PIK3AP1: variants seen among roughly 807,000 people sequenced by gnomAD.
PIK3AP1 encodes phosphoinositide-3-kinase adaptor protein 1, also known as phosphoinositide 3-kinase adapter protein 1.
In PIK3AP1, 21 loss-of-function variants were observed where a neutral mutation model predicts 88.1. That is an observed-to-expected ratio of 0.24 (90% CI 0.17 to 0.34). The LOEUF is 0.34. Among genes scored for constraint, PIK3AP1 ranks in the 10% least tolerant of loss-of-function variants. The pLI, the probability that PIK3AP1 is intolerant of heterozygous loss-of-function variation, is 1.00. For synonymous variants in PIK3AP1, 398 were observed against 400.0 expected (o/e 1.00, Z 0.06); for missense variants, 828 against 1,035.7 (o/e 0.80, Z 2.75).
In PIK3AP1 at chr10:96,618,119, C is replaced by T. The variant is rs150901858; in HGVS notation, c.1942-1408G>A. Among the ~76,000 whole-genome samples the T allele has an allele frequency of 3.0e-3, 463 of 152,284 alleles. 1 individual carries two copies. Among genetic ancestry groups the T allele is most frequent in the African/African-American group, 0.01 (420 of 41,548 alleles). ...TCAGGGAACCAAACAATGTGAGCCCCCATGAGCTGGGATTCTGCCGTATTA... is the reference window on the plus strand; with the variant it reads ...TCAGGGAACCAAACAATGTGAGCCCTCATGAGCTGGGATTCTGCCGTATTA... On this transcript the variant is annotated intron_variant, in intron 12 of 16. Coordinates refer to ENST00000339364, the MANE Select transcript of PIK3AP1 (RefSeq NM_152309.3).
intron 2 of PIK3AP1, among the ~76,000 whole-genome samples, chr10:96,697,687 C>T (rs983617485): frequency 9.2e-5 from 14 of 152,046 alleles, no homozygotes; most frequent in African/African-American, 7.2e-5. Flanking sequence ...TATGATGGTG[C>T]CACTGCACTC....
chr10:96,617,126 C>T (rs1335337953), intron 12 of PIK3AP1, among the ~76,000 whole-genome samples: 1 of 152,194 alleles, frequency 6.6e-6, no homozygotes, highest in Non-Finnish European at 1.5e-5. Context: ...CTGAAGCCTC[C>T]CCAGATATGC....
At chr10:96,658,467 C>G (rs889063622) in intron 2 of PIK3AP1, among the ~76,000 whole-genome samples, 12 of 152,224 alleles carry the variant, frequency 7.9e-5, no homozygotes, top group Admixed American at 2.6e-4. Flanking sequence ...CCATAAAGGC[C>G]GAGTTGGGGG....
At position 96,626,713 on chromosome 10, in the gene PIK3AP1, A is replaced by T; in HGVS notation, c.1664T>A (p.Phe555Tyr). 1 of 1,613,908 alleles carries T rather than the reference A, an allele frequency of 6.2e-7. No individual in the cohort carries two copies. Among genetic ancestry groups the T allele is most frequent in the Non-Finnish European group, 8.5e-7 (1 of 1,179,762 alleles). The part of the protein sequence containing the change: ...HQLPDNEPYI[F>Y]KVFAEKSQER... ...TCATTCCCTGCCATACTTGCCTTTA[A>T]AAATGTATGGTTCGTTGTCAGGCAG... The change falls in exon 10 of 17, where the codon TTT (phenylalanine) becomes TAT (tyrosine). Residue 555 changes from phenylalanine (F) to tyrosine (Y), a missense_variant. Coordinates refer to ENST00000339364, the MANE Select transcript of PIK3AP1 (RefSeq NM_152309.3).
chr10:96,702,168 G>T (rs535005192), intron 2 of PIK3AP1, among the ~76,000 whole-genome samples: 1 of 152,272 alleles, frequency 6.6e-6, no homozygotes, highest in African/African-American at 2.4e-5. Flanking sequence ...GGGGACTTGG[G>T]AAGATGCTGG....
chr10:96,651,687 G>GA (rs1843540722), intron 4 of PIK3AP1, 36 bp from the exon 5 acceptor site: 14 of 1,606,890 alleles, frequency 8.7e-6, no homozygotes, highest in Non-Finnish European at 1.2e-5. Flanking sequence ...AAATTCCCAG[G>GA]AAAAACAAGC....
intron 1 of PIK3AP1, among the ~76,000 whole-genome samples, chr10:96,715,621 TG>T (rs1417472125): frequency 5.9e-5 from 9 of 152,320 alleles, no homozygotes; most frequent in African/African-American, 1.7e-4. Context: ...CTGGGCGCGG[TG>T]GCTCATGCCT....
At position 96,628,426 on chromosome 10, in the gene PIK3AP1, C is replaced by G; in HGVS notation, c.1443G>C (p.Lys481Asn). 6.2e-7 allele frequency: 1 copy of G among 1,613,204 alleles called. No individual in the cohort carries two copies. Among genetic ancestry groups the G allele is most frequent in the Non-Finnish European group, 8.5e-7 (1 of 1,179,204 alleles). Residue 481 changes from lysine to asparagine, a missense_variant, in exon 9 of 17, where the codon AAG (lysine) becomes AAC (asparagine). Lys to Asn is a moderately conservative substitution (Grantham distance 94, BLOSUM62 0). Around this residue, in one of 3 missense-constraint regions of PIK3AP1, gnomAD observed 610 missense variants for 760.1 expected, o/e 0.80. Coordinates refer to ENST00000339364, the MANE Select transcript of PIK3AP1 (RefSeq NM_152309.3). ...CTAAAAACTTGCGGATCATAGAGTCCTTAGTGGCCCGAGAGAAACCATCTC... is the reference window on the plus strand; with the variant it reads ...CTAAAAACTTGCGGATCATAGAGTCGTTAGTGGCCCGAGAGAAACCATCTC... ...IPGDGFSRAT[K>N]DSMIRKFLEG...
At chr10:96,671,690 T>A (rs1428005562) in intron 2 of PIK3AP1, among the ~76,000 whole-genome samples, 1 of 152,094 alleles carries the variant, frequency 6.6e-6, no homozygotes, top group Non-Finnish European at 1.5e-5. Flanking sequence ...ATCATCATCC[T>A]CATGATGCCA....
chr10:96,624,729 G>A (rs181533711), intron 10 of PIK3AP1, among the ~76,000 whole-genome samples: 1 of 151,920 alleles, frequency 6.6e-6, no homozygotes, highest in Non-Finnish European at 1.5e-5. Flanking sequence ...GAAAATGCAA[G>A]AGCTGAGAGA....
intron 2 of PIK3AP1, among the ~76,000 whole-genome samples, chr10:96,670,642 C>A (rs1480024489): frequency 6.6e-6 from 1 of 152,160 alleles, no homozygotes; most frequent in Non-Finnish European, 1.5e-5. Flanking sequence ...TCTGAGAGGA[C>A]CCTGATTCCC....
intron 2 of PIK3AP1, among the ~76,000 whole-genome samples, chr10:96,698,796 T>C (rs1320202421): frequency 6.6e-6 from 1 of 152,122 alleles, no homozygotes; most frequent in Non-Finnish European, 1.5e-5. Context: ...TTCCAGCACC[T>C]GGCAGATGCT....
At chr10:96,613,597 A>G (rs564852263) in intron 13 of PIK3AP1, among the ~76,000 whole-genome samples, 18 of 152,272 alleles carry the variant, frequency 1.2e-4, no homozygotes, top group Non-Finnish European at 2.4e-4. Flanking sequence ...TGGGGGCTGG[A>G]GATGGGCAAA....
intron 8 of PIK3AP1, among the ~76,000 whole-genome samples, chr10:96,639,130 C>A (rs1843352480): frequency 6.6e-6 from 1 of 152,146 alleles, no homozygotes; most frequent in Admixed American, 6.5e-5. Flanking sequence ...CTTGTAGTGA[C>A]CAATGGAGTT....
intron 10 of PIK3AP1, 73 bp downstream of exon 10, chr10:96,626,635 G>C (rs1843156971): frequency 2.0e-6 from 3 of 1,499,602 alleles, no homozygotes. Flanking sequence ...GGTTCAAAAA[G>C]CCAGGTCATC....
chr10:96,640,178 A>G (rs965220957), intron 8 of PIK3AP1, among the ~76,000 whole-genome samples: 1 of 152,280 alleles, frequency 6.6e-6, no homozygotes, highest in Non-Finnish European at 1.5e-5. Flanking sequence ...TAGGGGTAAC[A>G]TGAAGCAGAA....
intron 2 of PIK3AP1, among the ~76,000 whole-genome samples, chr10:96,668,524 C>T (rs1483488838): frequency 6.6e-6 from 1 of 152,080 alleles, no homozygotes. Flanking sequence ...AGAAAGTGAG[C>T]AGAGAAGGAA....
At chr10:96,642,175 G>A (rs1411044372) in intron 8 of PIK3AP1, among the ~76,000 whole-genome samples, 3 of 152,044 alleles carry the variant, frequency 2.0e-5, no homozygotes, top group Non-Finnish European at 4.4e-5. Context: ...CTGTAATCCC[G>A]GCACTTTGGG....
At chr10:96,652,256 T>A (rs1843548478) in intron 4 of PIK3AP1, among the ~76,000 whole-genome samples, 1 of 152,090 alleles carries the variant, frequency 6.6e-6, no homozygotes, top group Admixed American at 6.5e-5. Flanking sequence ...GAAATGCATA[T>A]GAAAACAATG....
Sources: allele counts gnomAD v4.1 joint callset (sites outside exome capture counted in the v4.1 genomes callset), GRCh38; gene constraint gnomAD v4.1.1; regional missense constraint gnomAD v4.1.1; transcripts MANE v1.5; gene names NCBI Gene and HGNC (gene_info 2026-07-23, HGNC 2026-07-21).